Variants in NRDE2 observed in about 807,000 individuals in gnomAD.
NRDE2 encodes the protein nuclear exosome regulator NRDE2.
A neutral mutation model predicts 124.2 loss-of-function variants in NRDE2; 76 were observed. That is an observed-to-expected ratio of 0.61 (90% CI 0.51 to 0.74). The LOEUF is 0.74. Among genes scored for constraint, NRDE2 ranks in the 30% least tolerant of loss-of-function variants. The pLI is 0.00. For synonymous variants in NRDE2, 489 were observed against 528.1 expected (o/e 0.93, Z 1.01); for missense variants, 1,314 against 1,417.3 (o/e 0.93, Z 1.17).
intron 3 of NRDE2, among the ~76,000 whole-genome samples, chr14:90,315,696 C>T (rs752298854): frequency 1.3e-5 from 2 of 152,044 alleles, no homozygotes; most frequent in Non-Finnish European, 1.5e-5. Context: ...TGGCTCATGC[C>T]TGTAATCCCA....
In NRDE2 at chr14:90,316,789, A is replaced by G. The variant is rs780709310; in HGVS notation, c.196T>C (p.Ser66Pro). ...LTRSHLKSESSDESDTNKKLK... is the reference protein window; with the variant it reads ...LTRSHLKSESPDESDTNKKLK... ...TTTTTGTTAGTGTCACTTTCATCTG[A>G]AGACTCTGATTTCAGATGACTCCTG... Residue 66 changes from serine to proline, a missense_variant, in exon 3 of 14, where the codon TCA (serine) becomes CCA (proline). By Grantham distance (74) the Ser-to-Pro change is moderately conservative (BLOSUM62 -1). Coordinates refer to ENST00000354366, the MANE Select transcript of NRDE2 (RefSeq NM_017970.4). 5.0e-6 allele frequency: 8 copies of G among 1,609,550 alleles called. No individual in the cohort carries two copies. In the South Asian group the frequency reaches 7.8e-5, roughly 16 times the overall value.
At chr14:90,298,668 T>C (rs532208297) in intron 7 of NRDE2, among the ~76,000 whole-genome samples, 7 of 152,002 alleles carry the variant, frequency 4.6e-5, no homozygotes, top group African/African-American at 1.7e-4. Flanking sequence ...ATGGCAAAAG[T>C]GATGGGGGGT....
chr14:90,318,769 A>G (rs1270753270), intron 1 of NRDE2, among the ~76,000 whole-genome samples: 1 of 152,244 alleles, frequency 6.6e-6, no homozygotes, highest in Admixed American at 6.5e-5. Context: ...ACTGCACTCC[A>G]GCATGGATGA....
chr14:90,290,297 T>G lies in NRDE2; in HGVS notation c.2153A>C (p.His718Pro). The G allele has an allele frequency of 6.2e-7, 1 of 1,614,036 alleles. No individual in the cohort carries two copies. The highest frequency in any genetic ancestry group is 1.1e-5 in the South Asian group (1 of 91,084). Residue 718 changes from histidine to proline, a missense_variant, in exon 10 of 14, where the codon CAC becomes CCC. Transcript: ENST00000354366. ...GCCTGAAAATAAAGGCATGACAAGG[T>G]GGAAGACATTGCGGATGAACTCCTC... Reference protein sequence around the residue: ...EGEEFIRNVFHLVMPLFSGKE... With the variant: ...EGEEFIRNVFPLVMPLFSGKE...
At chr14:90,319,157 A>G (rs1285808556) in intron 1 of NRDE2, among the ~76,000 whole-genome samples, 5 of 152,028 alleles carry the variant, frequency 3.3e-5, no homozygotes, top group Non-Finnish European at 2.9e-5. Flanking sequence ...TGAAGGGAAG[A>G]AAAAAAACAT....
rs141263782 is a variant in NRDE2 at position 90,331,900 on chromosome 14, G to T, written c.5C>A (p.Ala2Glu). ...AAGCCCCGCAAAGGCTGGGAACAGC[G>T]CCATGACCACAGGCCGTACCTCCGT... M[A>E]LFPAFAGLSE... The change falls in exon 1 of 14, where the codon GCG becomes GAG. Residue 2 changes from alanine to glutamate, a missense_variant. Ala to Glu is a moderately radical substitution (Grantham distance 107). Transcript: ENST00000354366. The T allele has an allele frequency of 1.7e-5, 28 of 1,614,088 alleles. No individual in the cohort carries two copies. In the African/African-American group the frequency reaches 3.6e-4, roughly 21 times the overall value.
At chr14:90,285,571 G>T (rs1165585711) in intron 12 of NRDE2, among the ~76,000 whole-genome samples, 1 of 152,066 alleles carries the variant, frequency 6.6e-6, no homozygotes, top group East Asian at 1.9e-4. Flanking sequence ...CAAAGTGCTG[G>T]GATTACAGGC....
chr14:90,288,152 A>G, intron 11 of NRDE2, 65 bp downstream of exon 11: 1 of 1,469,298 alleles, frequency 6.8e-7, no homozygotes, highest in South Asian at 1.3e-5. Flanking sequence ...CAGCAAGGTC[A>G]GGGCAACACA....
chr14:90,289,126 G>A lies in NRDE2; in HGVS notation c.2249C>T (p.Thr750Ile). 6.2e-7 allele frequency: 1 copy of A among 1,606,548 alleles called. No individual in the cohort carries two copies. Residue 750 changes from threonine (T) to isoleucine (I), a missense_variant, in exon 11 of 14, where the codon ACT becomes ATT. Thr to Ile is a moderately conservative substitution (Grantham distance 89). Coordinates refer to ENST00000354366, the MANE Select transcript of NRDE2 (RefSeq NM_017970.4). ...AGACTTTAATCTCTTCTTGTTTTTA[G>A]TGTGCAGGCACCAAATGACCTACAG... ...EIAKVIWCLH[T>I]KNKKRLKSQG...
At chr14:90,328,844 A>T (rs948121855) in intron 1 of NRDE2, among the ~76,000 whole-genome samples, 1 of 152,246 alleles carries the variant, frequency 6.6e-6, no homozygotes, top group Non-Finnish European at 1.5e-5. Context: ...AATGAAGGAG[A>T]GGAAGAAACC....
In NRDE2 at chr14:90,303,498, G is replaced by A. The variant is rs917661621; in HGVS notation, c.1006-373C>T. 1.2e-4 allele frequency among the ~76,000 whole-genome samples: 18 copies of A among 152,316 alleles called. 2 individuals are homozygous for A. Among genetic ancestry groups the A allele is most frequent in the Admixed American group, 9.2e-4 (14 of 15,300 alleles). The stretch of plus-strand genomic sequence containing the variant: ...GATTCAGACAAACCTACAAGTTTTC[G>A]AAAGAGAATGCATGGCTCTAACTGG... On this transcript the variant is annotated intron_variant, in intron 5 of 13. Transcript: ENST00000354366.
chr14:90,317,917 AT>A (rs1198822842), intron 2 of NRDE2, 87 bp downstream of exon 2: 3 of 884,240 alleles, frequency 3.4e-6, no homozygotes, highest in Non-Finnish European at 5.3e-6. Context: ...TACCTCTTTT[AT>A]TAGAGTTTTC....
Position 90,278,212 on chromosome 14 carries a change from A to T in NRDE2, c.*124T>A. 8.6e-7 allele frequency: 1 copy of T among 1,157,274 alleles called. No homozygotes were observed. The highest frequency in any genetic ancestry group is 1.2e-6 in the Non-Finnish European group (1 of 808,060). The allele number at this position is 1,157,274 out of a possible 1,614,324, so 71.7% of individuals were successfully genotyped here. On this transcript the variant is annotated 3_prime_UTR_variant, in exon 14 of 14. Coordinates refer to ENST00000354366, the MANE Select transcript of NRDE2 (RefSeq NM_017970.4). ...TGAGAGGCTGGCAGCCCACATTATT[A>T]CTATCGAGAAAGAACATTTCAAAAG... is the stretch of plus-strand genomic sequence containing the variant.
intron 4 of NRDE2, among the ~76,000 whole-genome samples, chr14:90,309,765 T>A (rs1263872728): frequency 1.3e-5 from 2 of 152,228 alleles, no homozygotes; most frequent in East Asian, 3.8e-4. Flanking sequence ...CAGACTGCCA[T>A]GGGATCAACA....
Position 90,268,497 on chromosome 14 carries a change from C to A in NRDE2, c.*9839G>T. ...CTTGAGAATGAGCAATCTCAGGGGG[C>A]TCTCCCTATGGCCACAGTTCTTGCT... On this transcript the variant is annotated 3_prime_UTR_variant, in exon 14 of 14. Transcript: ENST00000354366. 7.4e-7 allele frequency: 1 copy of A among 1,346,168 alleles called. No individual in the cohort carries two copies. The highest frequency in any genetic ancestry group is 1.3e-5 in the South Asian group (1 of 76,964). 83.4% of individuals were successfully genotyped at this position (1,346,168 alleles called of 1,614,324 possible).
rs147061412 is a variant in NRDE2, at chr14:90,268,375, C to A, written c.*9961G>T. The A allele has an allele frequency of 6.2e-7, 1 of 1,613,108 alleles. No individual in the cohort carries two copies. The highest frequency in any genetic ancestry group is 1.1e-5 in the South Asian group (1 of 90,820). On this transcript the variant is annotated 3_prime_UTR_variant, in exon 14 of 14. Transcript: ENST00000354366. ...TTGCTGAAGAACATGCACCGTCCAT[C>A]GTGTTTATTGATGAAATTGACGCCA...
intron 7 of NRDE2, among the ~76,000 whole-genome samples, chr14:90,298,591 C>T (rs1287650766): frequency 6.6e-6 from 1 of 152,100 alleles, no homozygotes; most frequent in Non-Finnish European, 1.5e-5. Context: ...CCCCCATGAC[C>T]CTACCTCTGC....
chr14:90,269,651 C>T lies in NRDE2; in HGVS notation c.*8685G>A. The T allele has an allele frequency of 7.7e-7, 1 of 1,296,750 alleles. No homozygotes were observed. Among genetic ancestry groups the T allele is most frequent in the Non-Finnish European group, 1.1e-6 (1 of 934,586 alleles). The allele number at this position is 1,296,750 out of a possible 1,614,324, so 80.3% of individuals were successfully genotyped here. On this transcript the variant is annotated 3_prime_UTR_variant, in exon 14 of 14. Transcript: ENST00000354366. ...AAAATGATACATAAAAAAGCAAATACTGCAGTGAAACTTAGGATAATTTAC... is the reference window on the plus strand; with the variant it reads ...AAAATGATACATAAAAAAGCAAATATTGCAGTGAAACTTAGGATAATTTAC...
At chr14:90,301,950 T>C in intron 6 of NRDE2, 1 of 397,102 alleles carries the variant, frequency 2.5e-6, no homozygotes, top group East Asian at 7.2e-5. Flanking sequence ...TAAATGCTTA[T>C]ATTTTGAGAG....
Sources: allele counts gnomAD v4.1 joint callset (sites outside exome capture counted in the v4.1 genomes callset), GRCh38; gene constraint gnomAD v4.1.1; transcripts MANE v1.5; gene names NCBI Gene and HGNC (gene_info 2026-07-23, HGNC 2026-07-21).